RERE: variants seen among roughly 807,000 people sequenced by gnomAD.
RERE encodes arginine-glutamic acid dipeptide repeats.
RERE carries 40 observed loss-of-function variants against 146.1 expected under a neutral mutation model. The ratio of observed to expected loss-of-function variants is 0.27; its 90% confidence interval spans 0.21 to 0.36. RERE has a LOEUF of 0.36. Ranked by LOEUF, RERE falls within the 10% of genes least tolerant of loss-of-function variation. The pLI, the probability that RERE is intolerant of heterozygous loss-of-function variation, is 1.00. For synonymous variants in RERE, 1,003 were observed against 866.0 expected, an observed-to-expected ratio of 1.16 and a Z score of -2.78; for missense variants, 1,933 against 2,138.7, an observed-to-expected ratio of 0.90 and a Z score of 1.90.
intron 7 of RERE, chr1:8,526,013 C>T (rs934721206): frequency 1.7e-5 from 22 of 1,279,444 alleles, no homozygotes; most frequent in African/African-American, 3.1e-5. Context: ...CTCATCCACA[C>T]ACTGTCTCTC....
intron 7 of RERE, chr1:8,512,014 C>CTTTATTTTTT (rs1645344617): frequency 2.6e-5 from 1 of 38,902 alleles, no homozygotes; most frequent in Non-Finnish European, 4.8e-5. Context: ...AGGAAACACT[C>CTTTATTTTTT]TTTTTTTTTT....
intron 8 of RERE, among the ~76,000 whole-genome samples, chr1:8,501,733 G>A (rs1645161828): frequency 7.8e-6 from 1 of 128,702 alleles, no homozygotes; most frequent in Non-Finnish European, 1.7e-5. Context: ...CCCCCGCCCG[G>A]CCAGCCGCCC....
At chr1:8,731,723 C>G (rs1220372466) in intron 1 of RERE, among the ~76,000 whole-genome samples, 1 of 152,168 alleles carries the variant, frequency 6.6e-6, no homozygotes, top group Non-Finnish European at 1.5e-5. Context: ...AGCATCTAAC[C>G]CACAGCAAAC....
At chr1:8,437,247 T>A (rs301802) in intron 11 of RERE, among the ~76,000 whole-genome samples, 93,903 of 151,798 alleles carry the variant, frequency 0.62, 29,766 homozygotes, top group East Asian at 0.83. Flanking sequence ...TTTCCCCTTC[T>A]TGACAATACA....
At chr1:8,750,075 G>A (rs908946823) in intron 1 of RERE, among the ~76,000 whole-genome samples, 2 of 149,300 alleles carry the variant, frequency 1.3e-5, no homozygotes, top group African/African-American at 4.9e-5. Context: ...TCGCTTGAAT[G>A]CAGAGGCCGA....
At chr1:8,795,322 C>A (rs943911150) in intron 1 of RERE, among the ~76,000 whole-genome samples, 5 of 151,840 alleles carry the variant, frequency 3.3e-5, no homozygotes, top group Admixed American at 6.6e-5. Flanking sequence ...CCGCCCCCGG[C>A]CCCCCACTTT....
intron 1 of RERE, among the ~76,000 whole-genome samples, chr1:8,780,937 T>A (rs902132320): frequency 1.3e-5 from 2 of 151,860 alleles, no homozygotes; most frequent in Admixed American, 6.6e-5. Context: ...TAAAGAACCA[T>A]GAGGCCAGGC....
intron 6 of RERE, among the ~76,000 whole-genome samples, chr1:8,547,311 G>T (rs1645875710): frequency 6.6e-6 from 1 of 152,094 alleles, no homozygotes; most frequent in Non-Finnish European, 1.5e-5. Flanking sequence ...ATTTTAATAA[G>T]TAATCCTAGA....
At position 8,361,776 on chromosome 1, in the gene RERE, T is replaced by C; in HGVS notation, c.2003A>G (p.Lys668Arg). ...AGCAAACCTCACCTGCGTTTTTGTC[T>C]TCTTGGAGCTGGTCCTGTCAGCCTC... ...TEEADRTSSK[K>R]TKTQEISRPN... The change falls in exon 17 of 23, where the codon AAG (lysine) becomes AGG (arginine). Residue 668 changes from lysine (K) to arginine (R), a missense_variant. Lys to Arg is a conservative substitution (Grantham distance 26). This residue lies in a region of RERE where 1,255 missense variants were observed against 1,153.8 expected (regional missense o/e 1.09). Transcript: ENST00000400908. 1 of 1,613,462 alleles carries C rather than the reference T, an allele frequency of 6.2e-7. No homozygotes were observed. Among genetic ancestry groups the C allele is most frequent in the Non-Finnish European group, 8.5e-7 (1 of 1,179,436 alleles).
Position 8,373,472 on chromosome 1 carries a change from T to A in RERE, c.1285-7498A>T, listed in dbSNP as rs898323431. On this transcript the variant is annotated intron_variant, in intron 12 of 22. Transcript: ENST00000400908. ...TAAGGTATGTTTTTTCAGGGAGAAATCCCAGCAAGCAACAAATAATAAAAA... is the reference window on the plus strand; with the variant it reads ...TAAGGTATGTTTTTTCAGGGAGAAAACCCAGCAAGCAACAAATAATAAAAA... Among the ~76,000 whole-genome samples, 68 of 151,920 alleles carry A rather than the reference T, an allele frequency of 4.5e-4. 3 individuals carry two copies.
chr1:8,618,560 C>T (rs954393129), intron 3 of RERE, among the ~76,000 whole-genome samples: 5 of 152,312 alleles, frequency 3.3e-5, no homozygotes, highest in East Asian at 1.9e-4. Context: ...TCCTTTTAAA[C>T]GAATGCCCAT....
intron 4 of RERE, among the ~76,000 whole-genome samples, chr1:8,576,363 ACAAT>A (rs1224072564): frequency 6.6e-6 from 1 of 152,236 alleles, no homozygotes; most frequent in East Asian, 1.9e-4. Context: ...ATTTTGACAA[ACAAT>A]CAGAGTTAAA....
At chr1:8,741,610 C>T (rs1372658395) in intron 1 of RERE, among the ~76,000 whole-genome samples, 3 of 152,186 alleles carry the variant, frequency 2.0e-5, no homozygotes, top group Non-Finnish European at 2.9e-5. Context: ...CTCTGTCCTG[C>T]CACCCTGTGA....
chr1:8,752,993 T>C (rs1640568848), intron 1 of RERE, among the ~76,000 whole-genome samples: 2 of 152,206 alleles, frequency 1.3e-5, no homozygotes, highest in African/African-American at 4.8e-5. Flanking sequence ...TTAATAGGCC[T>C]AAATGAGGAA....
At chr1:8,573,587 A>C (rs1377364285) in intron 4 of RERE, among the ~76,000 whole-genome samples, 1 of 152,062 alleles carries the variant, frequency 6.6e-6, no homozygotes, top group Non-Finnish European at 1.5e-5. Context: ...CACCATTACA[A>C]CCTTGGTTGT....
chr1:8,443,774 C>T (rs950748498), intron 11 of RERE, among the ~76,000 whole-genome samples: 6 of 152,236 alleles, frequency 3.9e-5, no homozygotes, highest in Non-Finnish European at 8.8e-5. Context: ...GCCTCTGATA[C>T]AGCTCAGGCT....
Position 8,355,503 on chromosome 1 carries a change from T to C in RERE, c.4583A>G (p.Gln1528Arg). Residue 1528 changes from glutamine to arginine, a missense_variant, in exon 22 of 23, where the codon CAG becomes CGG. Physicochemically the swap from Gln to Arg is conservative, Grantham distance 43 (BLOSUM62 1). Coordinates refer to ENST00000400908, the MANE Select transcript of RERE (RefSeq NM_001042681.2). ...CCACTGCTGCTCCATGGCCAGTCTC[T>C]GCAGCTCGGCCGACTGGGCATGCAT... Reference protein sequence around the residue: ...QAMHAQSAELQRLAMEQQWLH... With the variant: ...QAMHAQSAELRRLAMEQQWLH... The C allele has an allele frequency of 6.2e-7, 1 of 1,612,154 alleles. No individual in the cohort carries two copies. Among genetic ancestry groups the C allele is most frequent in the Non-Finnish European group, 8.5e-7 (1 of 1,179,740 alleles).
intron 1 of RERE, among the ~76,000 whole-genome samples, chr1:8,803,286 G>A (rs1641620969): frequency 6.6e-6 from 1 of 152,016 alleles, no homozygotes; most frequent in Non-Finnish European, 1.5e-5. Context: ...TGGCCAACAT[G>A]GTGGAACCCC....
At chr1:8,383,849 ACT>A (rs1463267332) in intron 12 of RERE, among the ~76,000 whole-genome samples, 1 of 147,024 alleles carries the variant, frequency 6.8e-6, no homozygotes, top group Non-Finnish European at 1.5e-5. Context: ...ACAAAGTGAG[ACT>A]CTGTCTCAAA....
Sources: gnomAD v4.1 joint callset for allele counts (sites outside exome capture counted in the v4.1 genomes callset) on GRCh38, gnomAD v4.1.1 for gene constraint, gnomAD v4.1.1 regional missense constraint, MANE v1.5 for transcripts, NCBI Gene and HGNC (gene_info 2026-07-23, HGNC 2026-07-21) for gene names.